The following PHACTR3 variants were observed in gnomAD, a reference collection of about 807,000 sequenced individuals.
The protein encoded by PHACTR3 is protein phosphatase 1, regulatory subunit 123.
In PHACTR3, 16 loss-of-function variants were observed where a neutral mutation model predicts 66.8. That is an observed-to-expected ratio of 0.24 (90% CI 0.16 to 0.36). PHACTR3 has a LOEUF of 0.36. Among genes scored for constraint, PHACTR3 ranks in the 10% least tolerant of loss-of-function variants. The pLI is 1.00. For missense variants in PHACTR3, 647 were observed against 719.9 expected, an observed-to-expected ratio of 0.90 and a Z score of 1.16; for synonymous variants, 323 against 292.1, an observed-to-expected ratio of 1.11 and a Z score of -1.08.
chr20:59,630,224 C>A (rs1260458345), intron 1 of PHACTR3, among the ~76,000 whole-genome samples: 1 of 152,048 alleles, frequency 6.6e-6, no homozygotes, highest in African/African-American at 2.4e-5. Flanking sequence ...ACTCTGTCCC[C>A]CAGGCTGGAG....
intron 4 of PHACTR3, among the ~76,000 whole-genome samples, chr20:59,765,518 G>C (rs1161673093): frequency 6.6e-6 from 1 of 152,144 alleles, no homozygotes; most frequent in Non-Finnish European, 1.5e-5. Context: ...GCATTAGGAG[G>C]GCTGGCCTTT....
At chr20:59,577,749 G>A (rs1192759160) in intron 1 of PHACTR3, 4 of 546,732 alleles carry the variant, frequency 7.3e-6, no homozygotes, top group African/African-American at 2.0e-5. Context: ...GGCCCGCTGC[G>A]CCCCCAGCCA....
chr20:59,627,093 T>C (rs1015565679), intron 1 of PHACTR3: 2 of 152,202 alleles, frequency 1.3e-5, no homozygotes, highest in East Asian at 1.9e-4. Flanking sequence ...AGCCAGGACA[T>C]GAGGGGAGCT....
upstream of PHACTR3, chr20:59,603,653 AG>A (rs989246323): frequency 1.3e-5 from 2 of 152,076 alleles, no homozygotes; most frequent in Non-Finnish European, 2.9e-5. Flanking sequence ...GCACCTGCAA[AG>A]GGGGCTTAGA....
At chr20:59,754,895 G>A (rs561296818) in intron 3 of PHACTR3, among the ~76,000 whole-genome samples, 1 of 152,374 alleles carries the variant, frequency 6.6e-6, no homozygotes, top group Non-Finnish European at 1.5e-5. Context: ...GGCAGTGGGT[G>A]TGGACGTGGC....
At position 59,806,081 on chromosome 20, in the gene PHACTR3, G is replaced by A. The variant is rs761486428; in HGVS notation, c.1215G>A (p.Val405=). Residue 405 remains valine (V), a synonymous_variant, in exon 8 of 13, where the codon GTG becomes GTA. Coordinates refer to ENST00000371015, the MANE Select transcript of PHACTR3 (RefSeq NM_080672.5). ...PRKCKKELLA[V]KLRNRPSKQE... ...AATGCAAGAAGGAGCTCCTGGCCGT[G>A]AAGCTAAGGAACCGGCCAAGCAAAC... The A allele has an allele frequency of 6.2e-6, 10 of 1,614,110 alleles. 1 individual carries two copies. The highest frequency in any genetic ancestry group is 8.5e-6 in the Non-Finnish European group (10 of 1,180,044).
At chr20:59,814,427 T>C (rs932927675) in intron 8 of PHACTR3, among the ~76,000 whole-genome samples, 2 of 152,122 alleles carry the variant, frequency 1.3e-5, no homozygotes, top group Non-Finnish European at 2.9e-5. Context: ...GGAAAGGTTA[T>C]ATGTCCAAAG....
chr20:59,738,907 G>C lies in PHACTR3; in HGVS notation c.119-4200G>C, dbSNP rs183837039. ...GGAGACCTAGCCCATCCTTCCCCTC[G>C]TGCAAAGCATGCTCAGGACAGCAGG... On this transcript the variant is annotated intron_variant, in intron 1 of 12. Transcript: ENST00000371015. This position sits in a 1 kb window ranked among gnomAD's most constrained non-coding sequence, Gnocchi z 4.4. Among the ~76,000 whole-genome samples the C allele has an allele frequency of 2.0e-5, 3 of 152,112 alleles. No individual in the cohort carries two copies. Among genetic ancestry groups the C allele is most frequent in the African/African-American group, 4.8e-5 (2 of 41,412 alleles).
rs1016724097 is a variant in PHACTR3 at position 59,738,780 on chromosome 20, G to C, written c.119-4327G>C. 1.3e-5 allele frequency among the ~76,000 whole-genome samples: 2 copies of C among 152,140 alleles called. No homozygotes were observed. The highest frequency in any genetic ancestry group is 4.8e-5 in the African/African-American group (2 of 41,434). On this transcript the variant is annotated intron_variant, in intron 1 of 12. Coordinates refer to ENST00000371015, the MANE Select transcript of PHACTR3 (RefSeq NM_080672.5). The surrounding 1 kb of genome is among the most constrained non-coding windows in gnomAD (Gnocchi z 4.4). ...TGATTGCTGCCGATCCTTTGTGAAG[G>C]AGGTGAGATATAAATAAAGCAATGA...
chr20:59,609,363 A>T (rs1408580421), intron 1 of PHACTR3, among the ~76,000 whole-genome samples: 1 of 151,176 alleles, frequency 6.6e-6, no homozygotes, highest in Non-Finnish European at 1.5e-5. Flanking sequence ...CACCCTCATC[A>T]CCCACACACC....
chr20:59,672,166 A>G (rs368681188), intron 1 of PHACTR3, among the ~76,000 whole-genome samples: 7 of 152,340 alleles, frequency 4.6e-5, no homozygotes, highest in African/African-American at 1.7e-4. Context: ...GGCAGAGGCC[A>G]GGGATACTGC....
intron 1 of PHACTR3, among the ~76,000 whole-genome samples, chr20:59,720,923 G>A (rs2146678036): frequency 6.7e-6 from 1 of 148,978 alleles, no homozygotes; most frequent in South Asian, 2.1e-4. Flanking sequence ...CAGGATTTCT[G>A]TAGTGGGTGT....
intron 1 of PHACTR3, among the ~76,000 whole-genome samples, chr20:59,704,827 A>C (rs1237237100): frequency 6.6e-6 from 1 of 152,032 alleles, no homozygotes; most frequent in Non-Finnish European, 1.5e-5. Context: ...GAGTTATATC[A>C]GATCAGATTA....
chr20:59,680,342 G>A (rs73142813), intron 1 of PHACTR3, among the ~76,000 whole-genome samples: 17,273 of 152,020 alleles, frequency 0.11, 1,246 homozygotes, highest in Non-Finnish European at 0.15. Flanking sequence ...ATACAGAAAC[G>A]GTCCAGTGGT....
chr20:59,755,122 C>T (rs773036122), intron 3 of PHACTR3, 60 bp from the exon 4 acceptor site: 393 of 1,534,082 alleles, frequency 2.6e-4, no homozygotes, highest in Non-Finnish European at 3.2e-4. Context: ...ACTCTTGGGA[C>T]GACGGAAGGG....
intron 1 of PHACTR3, among the ~76,000 whole-genome samples, chr20:59,719,234 C>T (rs1384790164): frequency 6.6e-6 from 1 of 152,114 alleles, no homozygotes; most frequent in Admixed American, 6.5e-5. Context: ...GGTGCGATCT[C>T]AGCTCACTAT....
At chr20:59,840,609 TG>T (rs1230430942) in intron 10 of PHACTR3, among the ~76,000 whole-genome samples, 179 bp downstream of exon 10, 17 of 152,360 alleles carry the variant, frequency 1.1e-4, no homozygotes, top group African/African-American at 3.6e-4. Flanking sequence ...TAACTCCCTC[TG>T]ACGTTCCCTA....
At chr20:59,819,130 C>T (rs189273197) in intron 8 of PHACTR3, among the ~76,000 whole-genome samples, 24 of 152,184 alleles carry the variant, frequency 1.6e-4, no homozygotes, top group Non-Finnish European at 2.9e-4. Flanking sequence ...GGGGGCTGGG[C>T]GCAGTGGCTC....
chr20:59,724,193 C>T (rs1339203065), intron 1 of PHACTR3, among the ~76,000 whole-genome samples: 2 of 152,092 alleles, frequency 1.3e-5, no homozygotes, highest in Admixed American at 1.3e-4. Flanking sequence ...TGTTCCTGCC[C>T]ATGTTCATTT....
Sources: gnomAD v4.1 joint callset for allele counts (sites outside exome capture counted in the v4.1 genomes callset) on GRCh38, gnomAD v4.1.1 for gene constraint, Gnocchi (gnomAD v3.1) non-coding constraint, MANE v1.5 for transcripts, NCBI Gene and HGNC (gene_info 2026-07-23, HGNC 2026-07-21) for gene names.